The following DPYD variants were observed in gnomAD, a reference collection of about 807,000 sequenced individuals.
DPYD encodes the protein dihydropyrimidine dehydrogenase [NADP(+)].
In DPYD, 109 loss-of-function variants were observed where a neutral mutation model predicts 116.2. That is an observed-to-expected ratio of 0.94 (90% confidence interval 0.80 to 1.10). The LOEUF (loss-of-function observed/expected upper bound fraction) is 1.10. Ranked by LOEUF, DPYD falls within the 50% of genes least tolerant of loss-of-function variation. DPYD has a pLI of 0.00. For synonymous variants in DPYD, 440 were observed against 432.0 expected (o/e 1.02, Z -0.23); for missense variants, 1,302 against 1,254.5 (o/e 1.04, Z -0.57).
In DPYD at chr1:97,839,974, T is replaced by C. The variant is rs541807273; in HGVS notation, c.151-11778A>G. Among the ~76,000 whole-genome samples, 9 of 152,324 alleles carry C rather than the reference T, an allele frequency of 5.9e-5. No individual in the cohort carries two copies. In the East Asian group the frequency reaches 1.5e-3, roughly 26 times the overall value. On this transcript the variant is annotated intron_variant, in intron 2 of 22. Transcript: ENST00000370192. ...TTATCGGCTATTTACATTTTATTTT[T>C]AGATATTGCCTATTCATATCCTTTG...
chr1:97,181,736 T>A (rs1657656875), intron 20 of DPYD, among the ~76,000 whole-genome samples: 1 of 152,216 alleles, frequency 6.6e-6, no homozygotes, highest in African/African-American at 2.4e-5. Flanking sequence ...ATTACCCATA[T>A]ATTTTGGAAA....
At chr1:97,341,376 C>T (rs1669579157) in intron 16 of DPYD, among the ~76,000 whole-genome samples, 1 of 152,136 alleles carries the variant, frequency 6.6e-6, no homozygotes, top group East Asian at 1.9e-4. Context: ...ATTGATATTT[C>T]TATGCACAAG....
At chr1:97,791,689 T>C (rs919576708) in intron 3 of DPYD, among the ~76,000 whole-genome samples, 3 of 152,202 alleles carry the variant, frequency 2.0e-5, no homozygotes, top group Admixed American at 6.5e-5. Context: ...TAAATGCTAG[T>C]GTATTGACTA....
At chr1:97,334,090 G>A (rs1189116753) in intron 16 of DPYD, among the ~76,000 whole-genome samples, 3 of 152,116 alleles carry the variant, frequency 2.0e-5, no homozygotes, top group Non-Finnish European at 4.4e-5. Context: ...TGCATTTTAT[G>A]AGGAAAATTA....
intron 18 of DPYD, among the ~76,000 whole-genome samples, chr1:97,298,630 TC>T (rs2101013297): frequency 6.6e-6 from 1 of 152,234 alleles, no homozygotes; most frequent in Admixed American, 6.5e-5. Context: ...ATTTTGATAG[TC>T]CTCTAGATTT....
chr1:97,886,798 CA>C (rs1291977742), intron 1 of DPYD, among the ~76,000 whole-genome samples: 2 of 151,790 alleles, frequency 1.3e-5, no homozygotes, highest in African/African-American at 4.8e-5. Flanking sequence ...TTCCTGAAAA[CA>C]AAAAACTGAA....
At chr1:97,191,681 A>G (rs1187589855) in intron 20 of DPYD, among the ~76,000 whole-genome samples, 2 of 152,138 alleles carry the variant, frequency 1.3e-5, no homozygotes, top group African/African-American at 4.8e-5. Flanking sequence ...AGCTACTTCC[A>G]TTTCCGCTCA....
intron 15 of DPYD, among the ~76,000 whole-genome samples, chr1:97,381,757 C>T (rs779652844): frequency 1.3e-5 from 2 of 152,130 alleles, no homozygotes; most frequent in Non-Finnish European, 2.9e-5. Context: ...TTTTCCATGA[C>T]AGCATGATGG....
At chr1:97,522,919 T>G (rs907392572) in intron 12 of DPYD, among the ~76,000 whole-genome samples, 3 of 152,156 alleles carry the variant, frequency 2.0e-5, no homozygotes, top group Admixed American at 1.3e-4. Flanking sequence ...ACAAAATGCT[T>G]TTAGTATTCT....
chr1:97,705,232 T>C (rs1256691583), intron 5 of DPYD, among the ~76,000 whole-genome samples: 2 of 151,968 alleles, frequency 1.3e-5, no homozygotes, highest in South Asian at 2.1e-4. Flanking sequence ...GCTGCACCCA[T>C]TAACTCGTCA....
At chr1:97,549,202 T>TACC (rs1651130779) in intron 12 of DPYD, among the ~76,000 whole-genome samples, 1 of 151,968 alleles carries the variant, frequency 6.6e-6, no homozygotes, top group South Asian at 2.1e-4. Flanking sequence ...AAGAAGCTCG[T>TACC]ACCACAGGCG....
rs1189587216 is a variant in DPYD at position 97,525,889 on chromosome 1, C to T, written c.1525-9948G>A. Among the ~76,000 whole-genome samples the T allele has an allele frequency of 1.1e-4, 11 of 101,260 alleles. 1 individual carries two copies. The highest frequency in any genetic ancestry group is 3.6e-4 in the African/African-American group (9 of 24,942). The allele number at this position is 101,260 out of a possible 152,430, so 66.4% of individuals were successfully genotyped here. ...GAGTGTGCGTGTGTGTGTGTGTGCG[C>T]GCGCGCGTGTGTGTGTGTGTGTGTT... is the stretch of plus-strand genomic sequence containing the variant. On this transcript the variant is annotated intron_variant, in intron 12 of 22. Transcript: ENST00000370192.
chr1:97,590,970 T>C (rs1654464149), intron 10 of DPYD, among the ~76,000 whole-genome samples: 1 of 152,240 alleles, frequency 6.6e-6, no homozygotes, highest in Non-Finnish European at 1.5e-5. Context: ...CTAAAGGTCT[T>C]ATGAATGCCT....
intron 11 of DPYD, among the ~76,000 whole-genome samples, chr1:97,562,704 T>G (rs1213140401): frequency 1.3e-5 from 2 of 152,094 alleles, no homozygotes; most frequent in Non-Finnish European, 2.9e-5. Context: ...ATTTATACAA[T>G]AGCATATATG....
At chr1:97,642,884 T>TAATAA (rs1247242385) in intron 8 of DPYD, among the ~76,000 whole-genome samples, 2 of 150,762 alleles carry the variant, frequency 1.3e-5, no homozygotes, top group African/African-American at 2.4e-5. Flanking sequence ...AGTATAATAA[T>TAATAA]AATAAAATTA....
At chr1:97,127,534 T>TA (rs1652942154) in intron 20 of DPYD, among the ~76,000 whole-genome samples, 1 of 152,104 alleles carries the variant, frequency 6.6e-6, no homozygotes, top group Non-Finnish European at 1.5e-5. Flanking sequence ...CCTATTATTT[T>TA]ATGACATTCT....
At chr1:97,849,439 C>T (rs549379910) in intron 2 of DPYD, among the ~76,000 whole-genome samples, 1 of 151,704 alleles carries the variant, frequency 6.6e-6, no homozygotes, top group South Asian at 2.1e-4. Context: ...TAAGCAAGTG[C>T]TTTATATGTC....
At chr1:97,161,685 A>G (rs1252505363) in intron 20 of DPYD, among the ~76,000 whole-genome samples, 2 of 147,824 alleles carry the variant, frequency 1.4e-5, no homozygotes, top group Non-Finnish European at 3.0e-5. Flanking sequence ...CTTGTCATTT[A>G]GCATTAGGTA....
intron 18 of DPYD, among the ~76,000 whole-genome samples, chr1:97,237,821 T>G (rs1662057687): frequency 6.6e-6 from 1 of 152,172 alleles, no homozygotes; most frequent in Admixed American, 6.5e-5. Flanking sequence ...TTTGAAGTAA[T>G]AAAGAAATAT....
Sources: gnomAD v4.1 joint callset for allele counts (sites outside exome capture counted in the v4.1 genomes callset) on GRCh38, gnomAD v4.1.1 for gene constraint, MANE v1.5 for transcripts, NCBI Gene and HGNC (gene_info 2026-07-23, HGNC 2026-07-21) for gene names.